SMIM36: variants seen among roughly 807,000 people sequenced by gnomAD.
SMIM36 encodes the protein small integral membrane protein 36.
chr17:55,531,972 G>C, the SMIM36 span, among the ~76,000 whole-genome samples: 2 of 152,192 alleles, frequency 1.3e-5, no homozygotes, highest in African/African-American at 4.8e-5. Flanking sequence ...AGTGTCAGTT[G>C]TGTGGGTGAC....
At chr17:55,489,606 G>C (rs1238740352) in intron 1 of SMIM36, among the ~76,000 whole-genome samples, 1 of 152,094 alleles carries the variant, frequency 6.6e-6, no homozygotes, top group Non-Finnish European at 1.5e-5. Flanking sequence ...ACACTCCTCT[G>C]CAATCCGGAT....
chr17:55,510,650 A>G (rs1476221034), intron 1 of SMIM36, among the ~76,000 whole-genome samples: 1 of 152,182 alleles, frequency 6.6e-6, no homozygotes, highest in East Asian at 1.9e-4. Context: ...AAGAATTTGC[A>G]AAGAATAGAC....
chr17:55,481,653 G>T (rs1369034731), intron 1 of SMIM36, among the ~76,000 whole-genome samples: 2 of 152,116 alleles, frequency 1.3e-5, no homozygotes, highest in South Asian at 4.2e-4. Context: ...ACAAGATTTG[G>T]CTTCTGGGAA....
chr17:55,474,325 G>A (rs950901103), intron 3 of SMIM36, among the ~76,000 whole-genome samples: 2 of 152,180 alleles, frequency 1.3e-5, no homozygotes, highest in African/African-American at 4.8e-5. Context: ...GAGCATCCCT[G>A]CAGGGGACTA....
At chr17:55,451,482 C>A (rs1298731548) in intron 4 of SMIM36, among the ~76,000 whole-genome samples, 1 of 152,184 alleles carries the variant, frequency 6.6e-6, no homozygotes, top group African/African-American at 2.4e-5. Context: ...CATAGCTCCC[C>A]ACAGAGGCTT....
chr17:55,475,713 A>T (rs938960863), intron 3 of SMIM36, among the ~76,000 whole-genome samples: 1 of 152,178 alleles, frequency 6.6e-6, no homozygotes, highest in African/African-American at 2.4e-5. Flanking sequence ...GCACTCTCTA[A>T]TTGGATGTCC....
At chr17:55,474,418 T>A (rs891432389) in intron 3 of SMIM36, among the ~76,000 whole-genome samples, 3 of 152,148 alleles carry the variant, frequency 2.0e-5, no homozygotes, top group Admixed American at 6.5e-5. Context: ...GAGCAGCACG[T>A]GGCAGGCCCC....
intron 4 of SMIM36, among the ~76,000 whole-genome samples, chr17:55,456,887 C>T (rs183286653): frequency 2.6e-5 from 4 of 152,276 alleles, no homozygotes; most frequent in Non-Finnish European, 5.9e-5. Flanking sequence ...AATTGAGAGG[C>T]TTTCAAAGTA....
the SMIM36 span, among the ~76,000 whole-genome samples, chr17:55,520,267 T>A: frequency 6.6e-6 from 1 of 152,196 alleles, no homozygotes; most frequent in African/African-American, 2.4e-5. Flanking sequence ...TCTAGTAGAA[T>A]CTCTTCATCT....
At chr17:55,485,886 C>T (rs1327426025) in intron 1 of SMIM36, among the ~76,000 whole-genome samples, 2 of 152,136 alleles carry the variant, frequency 1.3e-5, no homozygotes, top group African/African-American at 4.8e-5. Flanking sequence ...GGCAGTATAT[C>T]ACTAGCATCC....
At chr17:55,526,731 G>A in the SMIM36 span, among the ~76,000 whole-genome samples, 51,372 of 151,908 alleles carry the variant, frequency 0.34, 8,840 homozygotes, top group East Asian at 0.51. Flanking sequence ...TTCTTTGGGC[G>A]ACAACAGAAA....
At position 55,501,003 on chromosome 17, in the gene SMIM36, CATATTATTATATTTTGTAATATATAAT is replaced by C. The variant is rs1168132525; in HGVS notation, c.*174+9849_*174+9875del. ...ATATATTATATATTATAATATGTAA[CATATTATTATATTTTGTAATATATAAT>C]ATATTATTATATATTATAATATATA... On this transcript the variant is annotated intron_variant, in intron 1 of 4. Coordinates refer to ENST00000636752, the Ensembl canonical transcript of SMIM36. Among the ~76,000 whole-genome samples, 3 of 4,422 alleles carry C rather than the reference CATATTATTATATTTTGTAATATATAAT, an allele frequency of 6.8e-4. No homozygotes were observed. The African/African-American group carries it at 7.6e-3, about 11-fold the overall frequency. 2.9% of individuals were successfully genotyped at this position (4,422 alleles called of 152,430 possible). A position where few individuals can be genotyped will look rare whatever the true frequency, so the allele number is the denominator to read the frequency against.
rs140876817 is a variant in SMIM36, at chr17:55,463,140, A to G, written c.*531+4005T>C. 6.2e-3 allele frequency among the ~76,000 whole-genome samples: 946 copies of G among 152,312 alleles called. 32 individuals carry two copies. The highest frequency in any genetic ancestry group is 0.057 in the Admixed American group (876 of 15,288). ...CTCAGGGGTATGTTCTAAGACTTCCAGTGGATACCTTAAACTTTATGTAGT... is the reference window on the plus strand; with the variant it reads ...CTCAGGGGTATGTTCTAAGACTTCCGGTGGATACCTTAAACTTTATGTAGT... On this transcript the variant is annotated intron_variant, in intron 4 of 4. Coordinates refer to ENST00000636752, the Ensembl canonical transcript of SMIM36.
intron 1 of SMIM36, among the ~76,000 whole-genome samples, chr17:55,480,012 A>G (rs560043616): frequency 6.6e-6 from 1 of 150,940 alleles, no homozygotes; most frequent in South Asian, 2.1e-4. Flanking sequence ...GCCTCCCCCT[A>G]CTCCCCCACT....
chr17:55,461,262 T>C (rs910562815), intron 4 of SMIM36, among the ~76,000 whole-genome samples: 1 of 152,224 alleles, frequency 6.6e-6, no homozygotes, highest in African/African-American at 2.4e-5. Flanking sequence ...CCTATTTTTC[T>C]TCCTTCTGTC....
chr17:55,496,984 T>G (rs1909819636), intron 1 of SMIM36, among the ~76,000 whole-genome samples: 1 of 152,214 alleles, frequency 6.6e-6, no homozygotes, highest in Admixed American at 6.5e-5. Context: ...AAATGAGGTG[T>G]CTGGCATTCA....
chr17:55,498,529 G>C (rs990817333), intron 1 of SMIM36, among the ~76,000 whole-genome samples: 3 of 151,780 alleles, frequency 2.0e-5, no homozygotes, highest in Non-Finnish European at 4.4e-5. Context: ...ATCACAATAT[G>C]CCAGATACTT....
upstream of SMIM36, among the ~76,000 whole-genome samples, chr17:55,512,964 G>A (rs149232224): frequency 6.6e-6 from 1 of 152,306 alleles, no homozygotes; most frequent in Admixed American, 6.5e-5. Context: ...GTTGTAGTAT[G>A]GGGTTCTTAT....
At chr17:55,521,155 C>T in the SMIM36 span, among the ~76,000 whole-genome samples, 2 of 152,070 alleles carry the variant, frequency 1.3e-5, no homozygotes, top group Non-Finnish European at 2.9e-5. Flanking sequence ...CTTGACCTAA[C>T]ATCTCAGAAT....
Sources: gnomAD v4.1 joint callset for allele counts (sites outside exome capture counted in the v4.1 genomes callset) on GRCh38, gnomAD v4.1.1 for gene constraint, MANE v1.5 for transcripts, NCBI Gene and HGNC (gene_info 2026-07-23, HGNC 2026-07-21) for gene names.